Variants in QTMAN observed in about 807,000 individuals in gnomAD.
QTMAN encodes queuosine-tRNA mannosyltransferase.
the QTMAN span, among the ~76,000 whole-genome samples, chr2:144,260,606 A>C: frequency 6.6e-6 from 1 of 152,050 alleles, no homozygotes; most frequent in South Asian, 2.1e-4. Context: ...TCATTTATTC[A>C]ATCAGTAACT....
At chr2:144,298,258 TCCG>T in the QTMAN span, among the ~76,000 whole-genome samples, 1 of 152,082 alleles carries the variant, frequency 6.6e-6, no homozygotes, top group Non-Finnish European at 1.5e-5. Context: ...GACCTCATGA[TCCG>T]CCTGCCTTGG....
At chr2:144,194,801 G>A in the QTMAN span, among the ~76,000 whole-genome samples, 1 of 152,092 alleles carries the variant, frequency 6.6e-6, no homozygotes, top group Non-Finnish European at 1.5e-5. Flanking sequence ...TTGCAAATAT[G>A]GAAATACTGA....
chr2:144,150,234 C>T, the QTMAN span, among the ~76,000 whole-genome samples: 22 of 152,174 alleles, frequency 1.4e-4, no homozygotes, highest in Middle Eastern at 3.4e-3. Flanking sequence ...CTAGCTGTGT[C>T]ACTTTGCTCA....
chr2:144,059,986 T>G, the QTMAN span, among the ~76,000 whole-genome samples: 1 of 152,198 alleles, frequency 6.6e-6, no homozygotes, highest in Non-Finnish European at 1.5e-5. Context: ...TCTGAAATTA[T>G]TTTAACTTAT....
chr2:144,151,769 A>C, the QTMAN span, among the ~76,000 whole-genome samples: 1 of 152,256 alleles, frequency 6.6e-6, no homozygotes, highest in Non-Finnish European at 1.5e-5. Context: ...TTTTTAATTC[A>C]TAAAACTTGT....
the QTMAN span, among the ~76,000 whole-genome samples, chr2:144,259,838 C>G: frequency 6.6e-6 from 1 of 151,666 alleles, no homozygotes; most frequent in Non-Finnish European, 1.5e-5. Flanking sequence ...AGTGACCACA[C>G]CTCTCAGGAT....
At chr2:144,195,721 T>G in the QTMAN span, among the ~76,000 whole-genome samples, 1 of 152,174 alleles carries the variant, frequency 6.6e-6, no homozygotes, top group East Asian at 1.9e-4. Context: ...TCTACTGACA[T>G]ATTAAACAGG....
chr2:144,189,566 A>G, the QTMAN span, among the ~76,000 whole-genome samples: 1 of 152,152 alleles, frequency 6.6e-6, no homozygotes, highest in Non-Finnish European at 1.5e-5. Flanking sequence ...CGTTGCCTAC[A>G]GGACATTATA....
the QTMAN span, among the ~76,000 whole-genome samples, chr2:144,184,828 A>ATAGT: frequency 1.3e-5 from 2 of 152,178 alleles, no homozygotes; most frequent in Non-Finnish European, 2.9e-5. Flanking sequence ...ATATACCTAT[A>ATAGT]TAGTTAGAAG....
chr2:144,196,439 T>C, the QTMAN span, among the ~76,000 whole-genome samples: 1 of 152,140 alleles, frequency 6.6e-6, no homozygotes, highest in Non-Finnish European at 1.5e-5. Flanking sequence ...CAATACTGGA[T>C]ATACAGAGAA....
the QTMAN span, among the ~76,000 whole-genome samples, chr2:144,116,939 T>C: frequency 1.3e-5 from 2 of 152,166 alleles, no homozygotes; most frequent in African/African-American, 4.8e-5. Context: ...CCTGGGTTTT[T>C]GGGGTTTTGT....
At chr2:144,204,825 G>A in the QTMAN span, among the ~76,000 whole-genome samples, 52 of 152,154 alleles carry the variant, frequency 3.4e-4, no homozygotes, top group South Asian at 1.5e-3. Context: ...AAAAAATGAT[G>A]AGTTCATGTC....
At chr2:144,280,948 T>C in the QTMAN span, among the ~76,000 whole-genome samples, 1 of 152,100 alleles carries the variant, frequency 6.6e-6, no homozygotes, top group South Asian at 2.1e-4. Flanking sequence ...AGGGTACATG[T>C]GCACAACGTG....
the QTMAN span, among the ~76,000 whole-genome samples, chr2:144,139,651 T>C: frequency 0.013 from 2,019 of 152,168 alleles, 33 homozygotes; most frequent in East Asian, 0.074. Flanking sequence ...ACTATTTATC[T>C]GGTCATTGCG....
chr2:144,176,479 C>T, the QTMAN span, among the ~76,000 whole-genome samples: 1 of 151,768 alleles, frequency 6.6e-6, no homozygotes, highest in African/African-American at 2.4e-5. Context: ...CATTGTACTG[C>T]AATTACTAGA....
the QTMAN span, among the ~76,000 whole-genome samples, chr2:144,299,930 G>A: frequency 6.6e-6 from 1 of 152,242 alleles, no homozygotes; most frequent in African/African-American, 2.4e-5. Context: ...ATATTATTCA[G>A]CCTTAAAAAG....
At chr2:143,938,680 G>A in the QTMAN span, 3 of 151,728 alleles carry the variant, frequency 2.0e-5, no homozygotes, top group African/African-American at 7.3e-5. Context: ...CTCCCCAACA[G>A]CATTTCAAAA....
the QTMAN span, among the ~76,000 whole-genome samples, chr2:144,076,566 T>C: frequency 1.3e-5 from 2 of 151,976 alleles, no homozygotes; most frequent in African/African-American, 4.8e-5. Flanking sequence ...GACTCGAGAG[T>C]GTTCAGAACC....
the QTMAN span, among the ~76,000 whole-genome samples, chr2:144,331,649 G>T: frequency 6.6e-6 from 1 of 152,142 alleles, no homozygotes; most frequent in Admixed American, 6.5e-5. Flanking sequence ...GTATGTGCGA[G>T]AGAAGGCAAA....
Sources: gnomAD v4.1 joint callset for allele counts (sites outside exome capture counted in the v4.1 genomes callset) on GRCh38, gnomAD v4.1.1 for gene constraint, MANE v1.5 for transcripts, NCBI Gene and HGNC (gene_info 2026-07-23, HGNC 2026-07-21) for gene names.